Variants in DEPDC4 observed in about 807,000 individuals in gnomAD.
DEPDC4 encodes the protein DEP domain-containing protein 4.
Under a neutral mutation model 52.0 loss-of-function variants are expected in DEPDC4, and 52 were observed. The ratio of observed to expected loss-of-function variants is 1.00; its 90% confidence interval spans 0.80 to 1.26. The LOEUF (loss-of-function observed/expected upper bound fraction) is 1.26. Ranked by LOEUF, DEPDC4 falls within the 50% of genes most tolerant of loss-of-function variation. The probability of loss-of-function intolerance (pLI) is 0.00; values close to 1 mark genes in which losing one functional copy is unlikely to be tolerated. For synonymous variants in DEPDC4, 201 were observed against 196.8 expected (o/e 1.02, Z -0.18); for missense variants, 530 against 546.9 (o/e 0.97, Z 0.31).
intron 1 of DEPDC4, among the ~76,000 whole-genome samples, chr12:100,266,542 C>T (rs1210063488): frequency 6.6e-6 from 1 of 152,182 alleles, no homozygotes; most frequent in Non-Finnish European, 1.5e-5. Context: ...CCCTCTAGTA[C>T]ATTAACCCCT....
In DEPDC4 at chr12:100,240,424, C is replaced by T. The variant is rs1297915667; in HGVS notation, c.*1468G>A. 6.6e-6 allele frequency among the ~76,000 whole-genome samples: 1 copy of T among 152,162 alleles called. No homozygotes were observed. Among genetic ancestry groups the T allele is most frequent in the African/African-American group, 2.4e-5 (1 of 41,438 alleles). ...AAAGCAATCCCCTCTCCCTGGCCTC[C>T]CAAAAGTGCCGGGACTACAGGCATG... On this transcript the variant is annotated 3_prime_UTR_variant, in exon 10 of 10. Transcript: ENST00000550587.
chr12:100,274,756 G>T, the DEPDC4 span, among the ~76,000 whole-genome samples: 1 of 152,182 alleles, frequency 6.6e-6, no homozygotes, highest in Admixed American at 6.5e-5. Flanking sequence ...TCAGGACATA[G>T]ACTTGTTCTC....
chr12:100,255,023 C>T (rs2096226424), intron 4 of DEPDC4, among the ~76,000 whole-genome samples: 1 of 152,206 alleles, frequency 6.6e-6, no homozygotes. Flanking sequence ...CCCTTCTTTC[C>T]TCCTTTCTCT....
At chr12:100,275,211 C>CT in the DEPDC4 span, among the ~76,000 whole-genome samples, 5 of 143,280 alleles carry the variant, frequency 3.5e-5, no homozygotes, top group East Asian at 4.1e-4. Context: ...TTTTTTTTTT[C>CT]TTTTTTTTGA....
downstream of DEPDC4, chr12:100,238,092 T>C: frequency 1.0e-6 from 1 of 980,690 alleles, no homozygotes; most frequent in South Asian, 4.7e-5. Flanking sequence ...GGTCTTCCAC[T>C]GGAAGTATAC....
chr12:100,263,870 T>C lies in DEPDC4; in HGVS notation c.181A>G (p.Thr61Ala), dbSNP rs752723266. The C allele has an allele frequency of 3.1e-6, 5 of 1,609,558 alleles. No homozygotes were observed. The highest frequency in any genetic ancestry group is 1.7e-5 in the Admixed American group (1 of 59,426). The change falls in exon 2 of 10, where the codon ACT (threonine) becomes GCT (alanine). Residue 61 changes from threonine to alanine, a missense_variant. Thr to Ala is a moderately conservative substitution (Grantham distance 58, BLOSUM62 0). Transcript: ENST00000550587. ...RTGCSGPFQA[T>A]QLWDGIIHSL... is the part of the protein sequence containing the mutation. ...TGAATAATACCATCCCATAGCTGAG[T>C]AGCTTGAAAAGGACCAGAGCATCCT...
downstream of DEPDC4, among the ~76,000 whole-genome samples, chr12:100,235,065 G>GTGTATA (rs1555309081): frequency 1.3e-5 from 2 of 149,592 alleles, no homozygotes; most frequent in Non-Finnish European, 1.5e-5. Context: ...GTATGTGTGT[G>GTGTATA]TATATATATA....
chr12:100,238,387 T>C (rs1033987238), downstream of DEPDC4, among the ~76,000 whole-genome samples: 2 of 151,992 alleles, frequency 1.3e-5, no homozygotes, highest in Non-Finnish European at 2.9e-5. Context: ...CTCGAACTCC[T>C]GATCTCAGGT....
rs761784969 is a variant in DEPDC4 at position 100,252,408 on chromosome 12, TG to T, written c.1233del (p.Tyr411Ter). On this transcript the variant is annotated frameshift_variant, in exon 6 of 10. Coordinates refer to ENST00000550587, the MANE Select transcript of DEPDC4 (RefSeq NM_001364818.2). LOFTEE classifies it high-confidence loss of function. The part of the protein sequence containing the change: ...FMAMASEPNA[Y>X]KLQKQYDNKT... ...AAATTTTTCACCTGTTTTTGCAACTTGTAGGCATTGGGCTCTGATGCCATTG... is the reference window on the plus strand; with the variant it reads ...AAATTTTTCACCTGTTTTTGCAACTTTAGGCATTGGGCTCTGATGCCATTG... The T allele has an allele frequency of 1.0e-4, 160 of 1,572,058 alleles. No homozygotes were observed. Among genetic ancestry groups the T allele is most frequent in the Admixed American group, 1.9e-4 (10 of 52,470 alleles).
At chr12:100,256,574 TTA>T (rs1441868012) in intron 3 of DEPDC4, among the ~76,000 whole-genome samples, 2 of 151,832 alleles carry the variant, frequency 1.3e-5, no homozygotes, top group Non-Finnish European at 2.9e-5. Context: ...TACTAATTAT[TTA>T]TCTTTCTATT....
chr12:100,269,575 T>C (rs896186330), upstream of DEPDC4, among the ~76,000 whole-genome samples: 1 of 152,206 alleles, frequency 6.6e-6, no homozygotes, highest in Admixed American at 6.5e-5. Flanking sequence ...TTTTATCTTA[T>C]CATCACTGTT....
chr12:100,261,121 G>A (rs983374460), intron 3 of DEPDC4, among the ~76,000 whole-genome samples: 3 of 150,270 alleles, frequency 2.0e-5, no homozygotes, highest in Non-Finnish European at 4.4e-5. Flanking sequence ...GCAGAGGTTG[G>A]AGTGAGCCAA....
At chr12:100,250,301 C>T (rs753646983) in intron 7 of DEPDC4, among the ~76,000 whole-genome samples, 25 of 152,208 alleles carry the variant, frequency 1.6e-4, no homozygotes, top group Admixed American at 2.6e-4. Context: ...CTGCAGCCTC[C>T]GCCTCCCGGG....
intron 8 of DEPDC4, among the ~76,000 whole-genome samples, chr12:100,242,798 C>T (rs2096165474): frequency 6.6e-6 from 1 of 152,194 alleles, no homozygotes; most frequent in Admixed American, 6.5e-5. Context: ...CATATCTGAA[C>T]ACTTGAGCCA....
At chr12:100,243,968 CAT>C (rs2096171517) in intron 8 of DEPDC4, among the ~76,000 whole-genome samples, 1 of 151,268 alleles carries the variant, frequency 6.6e-6, no homozygotes, top group South Asian at 2.1e-4. Flanking sequence ...GCCTTCCTAA[CAT>C]ATTTTTCTCT....
chr12:100,265,974 A>G (rs1340896448), intron 1 of DEPDC4, among the ~76,000 whole-genome samples: 1 of 152,204 alleles, frequency 6.6e-6, no homozygotes, highest in African/African-American at 2.4e-5. Context: ...TGCAGCCATC[A>G]CTATTATCTA....
Position 100,266,835 on chromosome 12 carries a change from A to G in DEPDC4, c.157+85T>C, listed in dbSNP as rs867906321. 4.3e-5 allele frequency: 64 copies of G among 1,500,702 alleles called. No individual in the cohort carries two copies. In the Middle Eastern group the frequency reaches 4.4e-3, roughly 104 times the overall value. The allele number at this position is 1,500,702 out of a possible 1,614,324, so 93.0% of individuals were successfully genotyped here. A position where few individuals can be genotyped will look rare whatever the true frequency, so the allele number is the denominator to read the frequency against. On this transcript the variant is annotated intron_variant, in intron 1 of 9. Coordinates refer to ENST00000550587, the MANE Select transcript of DEPDC4 (RefSeq NM_001364818.2). ...AGGAAATGGGCGGGGCCCTGGACCAATGAGGAGCAGAGTCCCAGCCGCCTG... is the reference window on the plus strand; with the variant it reads ...AGGAAATGGGCGGGGCCCTGGACCAGTGAGGAGCAGAGTCCCAGCCGCCTG...
At chr12:100,243,384 T>C (rs1047274044) in intron 8 of DEPDC4, among the ~76,000 whole-genome samples, 25 of 152,164 alleles carry the variant, frequency 1.6e-4, no homozygotes, top group African/African-American at 6.0e-4. Flanking sequence ...ACTATTCCCT[T>C]CTTCTCATGT....
chr12:100,257,906 G>C (rs2096240710), intron 3 of DEPDC4: 1 of 152,178 alleles, frequency 6.6e-6, no homozygotes. Flanking sequence ...GATCTGTTTG[G>C]TTATAAAGTA....
Sources: allele counts gnomAD v4.1 joint callset (sites outside exome capture counted in the v4.1 genomes callset), GRCh38; gene constraint gnomAD v4.1.1; transcripts MANE v1.5; gene names NCBI Gene and HGNC (gene_info 2026-07-23, HGNC 2026-07-21).